Variants in IQSEC1 observed in about 807,000 individuals in gnomAD.
The protein encoded by IQSEC1 is IQ motif and Sec7 domain ArfGEF 1, also known as IQ motif and SEC7 domain-containing protein 1.
In IQSEC1, 31 loss-of-function variants were observed where a neutral mutation model predicts 91.0. That is an observed-to-expected ratio of 0.34 (90% CI 0.26 to 0.46). The LOEUF is 0.46. Ranked by LOEUF, IQSEC1 falls within the 20% of genes least tolerant of loss-of-function variation. IQSEC1 has a pLI of 1.00. For synonymous variants in IQSEC1, 699 were observed against 662.6 expected (o/e 1.05, Z -0.84); for missense variants, 1,388 against 1,575.6 (o/e 0.88, Z 2.02).
At position 12,909,237 on chromosome 3, in the gene IQSEC1, A is replaced by C. The variant is rs1695327510; in HGVS notation, c.2578+36T>G. ...GGGAGGCAAGTGCCAGAGTCTGGCAAGTCTCGGCCTTCTGTCCATGAGGCC... is the reference window on the plus strand; with the variant it reads ...GGGAGGCAAGTGCCAGAGTCTGGCACGTCTCGGCCTTCTGTCCATGAGGCC... On this transcript the variant is annotated intron_variant, in intron 11 of 13. Coordinates refer to ENST00000613206, the MANE Select transcript of IQSEC1 (RefSeq NM_001134382.3). This position sits in a 1 kb window ranked among gnomAD's most constrained non-coding sequence, Gnocchi z 4.9. The C allele has an allele frequency of 6.2e-7, 1 of 1,604,932 alleles. No individual in the cohort carries two copies.
chr3:13,047,511 T>C, intron 1 of IQSEC1: 1 of 985,214 alleles, frequency 1.0e-6, no homozygotes, highest in Non-Finnish European at 1.2e-6. Context: ...GCTTCCGGTG[T>C]CCAGGGAGCT....
rs374204320 is a variant in IQSEC1, at chr3:13,028,106, T to C, written c.23+44886A>G. Among the ~76,000 whole-genome samples the C allele has an allele frequency of 1.6e-4, 25 of 152,300 alleles. No homozygotes were observed. In the East Asian group the frequency reaches 2.3e-3, roughly 14 times the overall value. Reference sequence around the variant, plus strand: ...GCCCCTCAAAGCCCCGCAGGGCTGATAATCCCAGACTGGAAGTGACAGGAG... The same window carrying C: ...GCCCCTCAAAGCCCCGCAGGGCTGACAATCCCAGACTGGAAGTGACAGGAG... On this transcript the variant is annotated intron_variant, in intron 1 of 13. Coordinates refer to ENST00000613206, the MANE Select transcript of IQSEC1 (RefSeq NM_001134382.3).
At chr3:13,222,510 AATTGT>A (rs1694681073) in intron 1 of IQSEC1, among the ~76,000 whole-genome samples, 1 of 151,708 alleles carries the variant, frequency 6.6e-6, no homozygotes, top group African/African-American at 2.4e-5. Context: ...ATCATATGGG[AATTGT>A]ATTGTATGTT....
rs115188908 is a variant in IQSEC1, at chr3:13,140,454, C to T, written c.302+23650G>A. ...GACAAAGAAAGTGAATTTGAGGCTC[C>T]CTGAACATAGGCCAGACCATCCTTT... On this transcript the variant is annotated intron_variant, in intron 2 of 15. Coordinates refer to the IQSEC1 transcript ENST00000648114. Among the ~76,000 whole-genome samples the T allele has an allele frequency of 3.2e-3, 492 of 152,272 alleles. 4 individuals are homozygous for T. The highest frequency in any genetic ancestry group is 0.012 in the African/African-American group (480 of 41,550).
intron 1 of IQSEC1, among the ~76,000 whole-genome samples, chr3:13,234,407 G>A (rs996698689): frequency 1.1e-4 from 17 of 152,164 alleles, no homozygotes; most frequent in African/African-American, 2.7e-4. Flanking sequence ...CACAGGAAGG[G>A]ACCAAGACAA....
At chr3:13,112,591 C>T (rs768978206) in intron 2 of IQSEC1, among the ~76,000 whole-genome samples, 5 of 152,248 alleles carry the variant, frequency 3.3e-5, no homozygotes, top group Non-Finnish European at 5.9e-5. Flanking sequence ...GTGCTGGCCC[C>T]CAGGCACCTC....
intron 2 of IQSEC1, among the ~76,000 whole-genome samples, chr3:13,078,649 C>T (rs1384312436): frequency 1.3e-5 from 2 of 150,652 alleles, no homozygotes; most frequent in African/African-American, 2.4e-5. Flanking sequence ...ACAAGTGGAG[C>T]AGTCAGACCA....
chr3:13,252,512 C>T (rs1428709434), intron 1 of IQSEC1, among the ~76,000 whole-genome samples: 2 of 152,152 alleles, frequency 1.3e-5, no homozygotes, highest in Non-Finnish European at 2.9e-5. Flanking sequence ...TGTGGGTGTG[C>T]GAGTATCTCT....
At chr3:13,192,034 G>C (rs1219250920) in intron 1 of IQSEC1, among the ~76,000 whole-genome samples, 1 of 152,166 alleles carries the variant, frequency 6.6e-6, no homozygotes, top group Non-Finnish European at 1.5e-5. Flanking sequence ...GCCATGTTCT[G>C]ATTAGAAAGT....
At chr3:13,120,556 C>T (rs1706406831) in intron 2 of IQSEC1, among the ~76,000 whole-genome samples, 2 of 152,174 alleles carry the variant, frequency 1.3e-5, no homozygotes, top group Admixed American at 1.3e-4. Flanking sequence ...TTCCTCTTCC[C>T]CGAGGAGGAG....
intron 2 of IQSEC1, among the ~76,000 whole-genome samples, chr3:13,133,804 A>T (rs1706663118): frequency 6.6e-6 from 1 of 152,210 alleles, no homozygotes; most frequent in Non-Finnish European, 1.5e-5. Context: ...CCCAGCTGGC[A>T]GGGAGGGTTG....
At chr3:13,012,230 T>C (rs1450920186) in intron 1 of IQSEC1, among the ~76,000 whole-genome samples, 2 of 152,168 alleles carry the variant, frequency 1.3e-5, no homozygotes. Context: ...TCCAAGAACC[T>C]AGCACAGCCA....
At chr3:12,996,818 A>G (rs360819) in intron 1 of IQSEC1, among the ~76,000 whole-genome samples, 9,623 of 152,358 alleles carry the variant, frequency 0.063, 428 homozygotes, top group Non-Finnish European at 0.091. Context: ...TGTATATTAA[A>G]GAAATACAAA....
At chr3:13,048,847 C>T (rs1704587222) in intron 1 of IQSEC1, among the ~76,000 whole-genome samples, 1 of 152,222 alleles carries the variant, frequency 6.6e-6, no homozygotes. Flanking sequence ...CCTTCTTCTC[C>T]AGCCCCAGCA....
intron 1 of IQSEC1, among the ~76,000 whole-genome samples, chr3:13,264,288 A>T (rs1463274644): frequency 1.3e-5 from 2 of 152,022 alleles, no homozygotes; most frequent in Non-Finnish European, 1.5e-5. Context: ...GTCCAGGCCG[A>T]CTCACTAGGC....
chr3:13,231,552 C>T (rs1694839860), intron 1 of IQSEC1, among the ~76,000 whole-genome samples: 1 of 105,532 alleles, frequency 9.5e-6, no homozygotes, highest in South Asian at 4.0e-4. Flanking sequence ...TCACCACCTC[C>T]CAACGGCCCC....
At chr3:13,075,733 G>A (rs1377291099), upstream of IQSEC1, among the ~76,000 whole-genome samples, 2 of 152,224 alleles carry the variant, frequency 1.3e-5, no homozygotes, top group African/African-American at 4.8e-5. Flanking sequence ...CACGTGGGTA[G>A]TGCCTACAAC....
chr3:13,161,164 C>T (rs150949447), intron 2 of IQSEC1, among the ~76,000 whole-genome samples: 264 of 152,226 alleles, frequency 1.7e-3, no homozygotes, highest in Non-Finnish European at 3.2e-3. Context: ...TTTAGAAAGG[C>T]GAGTGGCATC....
In IQSEC1 at chr3:13,214,587, TCCTAGCAGAAG is replaced by T. The variant is rs1694507595; in HGVS notation, c.273-50465_273-50455del. On this transcript the variant is annotated intron_variant, in intron 1 of 15. Transcript: ENST00000648114. This position sits in a 1 kb window ranked among gnomAD's most constrained non-coding sequence, Gnocchi z 4.5. ...CCAGGTGGACGAACCAGGGCAGGAA[TCCTAGCAGAAG>T]CCTGTGAGGTGAGGAGGGGGCACCT... 6.6e-6 allele frequency among the ~76,000 whole-genome samples: 1 copy of T among 152,206 alleles called. No individual in the cohort carries two copies. The highest frequency in any genetic ancestry group is 2.4e-5 in the African/African-American group (1 of 41,460).
Sources: gnomAD v4.1 joint callset for allele counts (sites outside exome capture counted in the v4.1 genomes callset) on GRCh38, gnomAD v4.1.1 for gene constraint, Gnocchi (gnomAD v3.1) non-coding constraint, MANE v1.5 for transcripts, NCBI Gene and HGNC (gene_info 2026-07-23, HGNC 2026-07-21) for gene names.